Variants in ARHGEF3 observed in about 807,000 individuals in gnomAD.
ARHGEF3 encodes Rho guanine nucleotide exchange factor 3.
Under a neutral mutation model 63.2 loss-of-function variants are expected in ARHGEF3, and 28 were observed. The observed-to-expected ratio is 0.44, with a 90% CI of 0.33 to 0.61. The LOEUF is 0.61. ARHGEF3 is among the 20% of genes least tolerant of loss of function. The probability of loss-of-function intolerance (pLI) is 0.03; values close to 1 mark genes in which losing one functional copy is unlikely to be tolerated. For synonymous variants in ARHGEF3, 266 were observed against 254.2 expected, an observed-to-expected ratio of 1.05 and a Z score of -0.44; for missense variants, 533 against 659.3, an observed-to-expected ratio of 0.81 and a Z score of 2.10.
chr3:56,948,923 A>G (rs1251996783), intron 3 of ARHGEF3, among the ~76,000 whole-genome samples: 2 of 152,074 alleles, frequency 1.3e-5, no homozygotes, highest in South Asian at 2.1e-4. Flanking sequence ...CAAAAAGCTT[A>G]TCCACCATGA....
intron 4 of ARHGEF3, among the ~76,000 whole-genome samples, chr3:56,822,433 G>A (rs553690112): frequency 4.2e-4 from 64 of 152,288 alleles, no homozygotes; most frequent in African/African-American, 1.5e-3. Flanking sequence ...GTATACTGAT[G>A]AAGCCAAGCA....
intron 3 of ARHGEF3, among the ~76,000 whole-genome samples, chr3:56,939,497 G>A (rs1699070014): frequency 6.6e-6 from 1 of 152,110 alleles, no homozygotes; most frequent in Non-Finnish European, 1.5e-5. Flanking sequence ...CTGATTCTTG[G>A]ACCACCTTCT....
chr3:57,044,270 C>A (rs1365633201), intron 1 of ARHGEF3, among the ~76,000 whole-genome samples: 1 of 152,200 alleles, frequency 6.6e-6, no homozygotes, highest in African/African-American at 2.4e-5. Flanking sequence ...AATCAGGACA[C>A]CCGCGCCATG....
chr3:57,035,190 C>T, intron 1 of ARHGEF3: 1 of 1,387,308 alleles, frequency 7.2e-7, no homozygotes, highest in Non-Finnish European at 9.7e-7. Context: ...TTTTAAAAAG[C>T]AAAACAACCA....
intron 4 of ARHGEF3, among the ~76,000 whole-genome samples, chr3:56,869,785 G>A (rs1475168524): frequency 1.3e-5 from 2 of 152,090 alleles, no homozygotes; most frequent in African/African-American, 4.8e-5. Flanking sequence ...ATAATTTTCA[G>A]GTGGACAGAC....
intron 3 of ARHGEF3, among the ~76,000 whole-genome samples, chr3:56,954,536 C>A (rs372307220): frequency 2.6e-5 from 4 of 152,266 alleles, no homozygotes; most frequent in African/African-American, 7.2e-5. Flanking sequence ...CCTTCCATGT[C>A]CACTCCACCC....
chr3:57,064,811 T>C (rs1705434485), intron 1 of ARHGEF3, among the ~76,000 whole-genome samples: 1 of 152,220 alleles, frequency 6.6e-6, no homozygotes, highest in Non-Finnish European at 1.5e-5. Flanking sequence ...TGCTGTTTAA[T>C]GGATACAGTG....
intron 1 of ARHGEF3, among the ~76,000 whole-genome samples, chr3:57,047,838 C>G (rs41527144): frequency 5.5e-4 from 83 of 152,212 alleles, no homozygotes; most frequent in African/African-American, 2.0e-3. Flanking sequence ...GAATCTGAAG[C>G]CTTCCGGAGC....
chr3:56,894,182 G>A (rs1413869035), intron 3 of ARHGEF3, among the ~76,000 whole-genome samples: 1 of 152,160 alleles, frequency 6.6e-6, no homozygotes, highest in Non-Finnish European at 1.5e-5. Context: ...TGACAGTTTG[G>A]TGGGACAACT....
At chr3:57,043,975 C>G (rs1285928370) in intron 1 of ARHGEF3, among the ~76,000 whole-genome samples, 1 of 152,218 alleles carries the variant, frequency 6.6e-6, no homozygotes, top group Non-Finnish European at 1.5e-5. Context: ...AGTGAGGTCC[C>G]ATGACCATCC....
intron 2 of ARHGEF3, among the ~76,000 whole-genome samples, chr3:56,964,581 G>T (rs1201143246): frequency 2.0e-5 from 3 of 152,162 alleles, no homozygotes; most frequent in Non-Finnish European, 2.9e-5. Context: ...CCAGACATTA[G>T]AGATCAGCAG....
At chr3:56,984,903 T>C (rs1701473718) in intron 2 of ARHGEF3, among the ~76,000 whole-genome samples, 1 of 152,178 alleles carries the variant, frequency 6.6e-6, no homozygotes, top group Admixed American at 6.5e-5. Flanking sequence ...TAATGACCAA[T>C]ACCTTTGCTA....
chr3:56,992,062 G>GTC (rs1404719716), intron 2 of ARHGEF3, among the ~76,000 whole-genome samples: 2 of 150,166 alleles, frequency 1.3e-5, no homozygotes, highest in African/African-American at 5.0e-5. Flanking sequence ...GTGTGTGTGT[G>GTC]TGTGTGTTCC....
chr3:56,796,203 T>G (rs1578538577), intron 1 of ARHGEF3, among the ~76,000 whole-genome samples: 1 of 152,318 alleles, frequency 6.6e-6, no homozygotes, highest in East Asian at 1.9e-4. Flanking sequence ...TACACAGGGC[T>G]TTGCAAAATT....
chr3:56,997,725 A>T (rs532220744), intron 2 of ARHGEF3, among the ~76,000 whole-genome samples: 1 of 152,268 alleles, frequency 6.6e-6, no homozygotes, highest in Non-Finnish European at 1.5e-5. Flanking sequence ...GAGATGACGA[A>T]GGGTAAATGA....
At chr3:57,062,672 A>G (rs1705293834) in intron 1 of ARHGEF3, among the ~76,000 whole-genome samples, 1 of 152,298 alleles carries the variant, frequency 6.6e-6, no homozygotes, top group South Asian at 2.1e-4. Context: ...TGGGAATGAC[A>G]GGACTCGCTG....
chr3:57,056,595 G>A (rs1486028530), intron 1 of ARHGEF3, among the ~76,000 whole-genome samples: 1 of 152,094 alleles, frequency 6.6e-6, no homozygotes, highest in African/African-American at 2.4e-5. Context: ...AGACCAGGAG[G>A]CATGACGAGG....
intron 1 of ARHGEF3, among the ~76,000 whole-genome samples, chr3:56,792,819 A>AC (rs2037152703): frequency 6.8e-6 from 1 of 147,948 alleles, no homozygotes; most frequent in Non-Finnish European, 1.5e-5. Context: ...TCTTTTTCTT[A>AC]TTTTTTTTTT....
chr3:56,861,748 G>A (rs2040079421), intron 4 of ARHGEF3, among the ~76,000 whole-genome samples: 2 of 152,100 alleles, frequency 1.3e-5, no homozygotes, highest in African/African-American at 4.8e-5. Flanking sequence ...GTCTGCCACT[G>A]CCAAATCCCA....
Sources: allele counts gnomAD v4.1 joint callset (sites outside exome capture counted in the v4.1 genomes callset), GRCh38; gene constraint gnomAD v4.1.1; transcripts MANE v1.5; gene names NCBI Gene and HGNC (gene_info 2026-07-23, HGNC 2026-07-21).